The following PPP1R9A variants were observed in gnomAD, a reference collection of about 807,000 sequenced individuals.
The protein encoded by PPP1R9A is neurabin-1.
A neutral mutation model predicts 141.9 loss-of-function variants in PPP1R9A; 59 were observed. The ratio of observed to expected loss-of-function variants is 0.42; its 90% CI spans 0.34 to 0.52. The LOEUF (loss-of-function observed/expected upper bound fraction) is 0.52, where lower values mean the gene tolerates loss of function less well. PPP1R9A is among the 20% of genes least tolerant of loss of function. The pLI, the probability that PPP1R9A is intolerant of heterozygous loss-of-function variation, is 0.10. For synonymous variants in PPP1R9A, 500 were observed against 569.7 expected (o/e 0.88, Z 1.74); for missense variants, 1,444 against 1,611.9 (o/e 0.90, Z 1.78).
At chr7:94,968,212 G>C (rs1019843667) in intron 2 of PPP1R9A, among the ~76,000 whole-genome samples, 1 of 151,200 alleles carries the variant, frequency 6.6e-6, no homozygotes, top group Non-Finnish European at 1.5e-5. Flanking sequence ...TCGCTCTGTC[G>C]CCCAGGCTGG....
intron 2 of PPP1R9A, among the ~76,000 whole-genome samples, chr7:95,047,210 G>C (rs1417406077): frequency 6.6e-6 from 1 of 152,066 alleles, no homozygotes. Flanking sequence ...TTATTATTTC[G>C]AATGGCTTTT....
At position 95,274,102 on chromosome 7, in the gene PPP1R9A, A is replaced by C. The variant is rs1303160461; in HGVS notation, c.3230A>C (p.Asn1077Thr). 6.3e-7 allele frequency: 1 copy of C among 1,583,574 alleles called. No individual in the cohort carries two copies. The highest frequency in any genetic ancestry group is 1.7e-5 in the Admixed American group (1 of 58,146). ...FVDLGAPLRRNSSKGKKWKEK... is the reference protein window; with the variant it reads ...FVDLGAPLRRTSSKGKKWKEK... ...CATTACAGGGCGCCTTTGCGAAGGA[A>C]TTCCAGCAAGGGAAAGAAGTGGAAA... is the stretch of plus-strand genomic sequence containing the variant. Residue 1077 changes from asparagine to threonine, a missense_variant, in exon 16 of 20, where the codon AAT becomes ACT. Asn to Thr is a moderately conservative substitution (Grantham distance 65). This residue lies in a region of PPP1R9A where 459 missense variants were observed against 513.8 expected (regional missense o/e 0.89). Coordinates refer to ENST00000433360, the MANE Select transcript of PPP1R9A (RefSeq NM_001166160.2).
chr7:95,208,974 A>C (rs890286238), intron 7 of PPP1R9A, among the ~76,000 whole-genome samples: 1 of 149,906 alleles, frequency 6.7e-6, no homozygotes, highest in Non-Finnish European at 1.5e-5. Context: ...AAAAAAAAAA[A>C]AAAACTCTGA....
At chr7:94,939,682 C>T (rs1178252000) in intron 2 of PPP1R9A, among the ~76,000 whole-genome samples, 1 of 151,704 alleles carries the variant, frequency 6.6e-6, no homozygotes, top group Non-Finnish European at 1.5e-5. Context: ...GTACTTAGCA[C>T]TTAGTGACTT....
chr7:95,107,931 C>T (rs978974949), intron 2 of PPP1R9A, among the ~76,000 whole-genome samples: 89 of 152,056 alleles, frequency 5.9e-4, no homozygotes, highest in African/African-American at 2.1e-3. Context: ...TTCTTCAGGG[C>T]TTTTTGTACT....
chr7:95,120,634 A>C, intron 3 of PPP1R9A, 78 bp from the exon 4 acceptor site: 1 of 1,463,598 alleles, frequency 6.8e-7, no homozygotes, highest in Non-Finnish European at 9.3e-7. Flanking sequence ...AGAAACAGCA[A>C]GTAGGTCTCA....
At chr7:94,966,070 T>A (rs1330603544) in intron 2 of PPP1R9A, among the ~76,000 whole-genome samples, 1 of 152,150 alleles carries the variant, frequency 6.6e-6, no homozygotes, top group Non-Finnish European at 1.5e-5. Flanking sequence ...TAGTTTATTC[T>A]CTTTGTAGCA....
At chr7:94,954,691 T>C (rs1348752414) in intron 2 of PPP1R9A, among the ~76,000 whole-genome samples, 1 of 151,604 alleles carries the variant, frequency 6.6e-6, no homozygotes, top group Non-Finnish European at 1.5e-5. Context: ...CATTTCCATT[T>C]CTGTTGGTTT....
chr7:95,007,946 C>T (rs1324061483), intron 2 of PPP1R9A, among the ~76,000 whole-genome samples: 5 of 152,072 alleles, frequency 3.3e-5, no homozygotes. Flanking sequence ...GTGGTGCATG[C>T]CTGTAATCCC....
intron 2 of PPP1R9A, among the ~76,000 whole-genome samples, chr7:95,028,473 A>G (rs999972597): frequency 6.6e-6 from 1 of 152,188 alleles, no homozygotes; most frequent in Non-Finnish European, 1.5e-5. Context: ...AAAAATTAAC[A>G]CAACACATTT....
intron 4 of PPP1R9A, among the ~76,000 whole-genome samples, chr7:95,149,432 A>G (rs573998322): frequency 5.3e-5 from 8 of 152,148 alleles, no homozygotes; most frequent in Non-Finnish European, 7.4e-5. Context: ...GGAAGAAGTA[A>G]AAGTCTTTGA....
At chr7:94,908,793 A>AG (rs1472919984) in intron 1 of PPP1R9A, among the ~76,000 whole-genome samples, 1 of 152,098 alleles carries the variant, frequency 6.6e-6, no homozygotes, top group Non-Finnish European at 1.5e-5. Context: ...TTACAAAAAA[A>AG]GAAAAAAACA....
Position 95,284,036 on chromosome 7 carries a change from G to A in PPP1R9A, c.3315G>A (p.Leu1105=), listed in dbSNP as rs1379808192. 3.1e-6 allele frequency: 5 copies of A among 1,594,950 alleles called. No homozygotes were observed. Among genetic ancestry groups the A allele is most frequent in the Non-Finnish European group, 4.2e-6 (5 of 1,177,188 alleles). Residue 1105 remains leucine, a synonymous_variant, in exon 17 of 20, where the codon CTG becomes CTA. Coordinates refer to ENST00000433360, the MANE Select transcript of PPP1R9A (RefSeq NM_001166160.2). ...SAGSRIFRGR[L]ENWTPKPCST... is the part of the protein sequence containing the mutation. ...AAAACAGGATCTTCAGAGGCAGACT[G>A]GAAAACTGGACACCCAAGCCATGTT...
chr7:95,086,416 G>T (rs1171221480), intron 2 of PPP1R9A, among the ~76,000 whole-genome samples: 1 of 151,980 alleles, frequency 6.6e-6, no homozygotes, highest in Non-Finnish European at 1.5e-5. Context: ...TATAAATTTT[G>T]ACACAAATAT....
At chr7:94,991,474 TG>T (rs1377289351) in intron 2 of PPP1R9A, among the ~76,000 whole-genome samples, 1 of 152,142 alleles carries the variant, frequency 6.6e-6, no homozygotes, top group Admixed American at 6.5e-5. Flanking sequence ...TTATTCAACA[TG>T]TTATCTCTTC....
chr7:95,224,684 G>A (rs1794901191), intron 7 of PPP1R9A, among the ~76,000 whole-genome samples: 1 of 151,964 alleles, frequency 6.6e-6, no homozygotes, highest in Non-Finnish European at 1.5e-5. Flanking sequence ...TTAAGGACCA[G>A]ATTTCCTTCA....
chr7:95,216,327 G>C (rs1484097271), intron 7 of PPP1R9A, among the ~76,000 whole-genome samples: 1 of 152,118 alleles, frequency 6.6e-6, no homozygotes, highest in Non-Finnish European at 1.5e-5. Flanking sequence ...TGGTCTATAT[G>C]TCTGTTTTGG....
At chr7:95,077,926 C>G (rs1379191923) in intron 2 of PPP1R9A, among the ~76,000 whole-genome samples, 1 of 150,630 alleles carries the variant, frequency 6.6e-6, no homozygotes, top group Non-Finnish European at 1.5e-5. Flanking sequence ...ACAAATGGAG[C>G]TTTTCTTCAT....
intron 5 of PPP1R9A, among the ~76,000 whole-genome samples, chr7:95,172,091 G>A (rs1302030653): frequency 6.6e-6 from 1 of 151,548 alleles, no homozygotes; most frequent in East Asian, 1.9e-4. Flanking sequence ...TGAAATAGAA[G>A]GGAATTTCCT....
Sources: allele counts gnomAD v4.1 joint callset (sites outside exome capture counted in the v4.1 genomes callset), GRCh38; gene constraint gnomAD v4.1.1; regional missense constraint gnomAD v4.1.1; transcripts MANE v1.5; gene names NCBI Gene and HGNC (gene_info 2026-07-23, HGNC 2026-07-21).